The following PIR variants were observed in gnomAD, a reference collection of about 807,000 sequenced individuals.
PIR encodes pirin (iron-binding nuclear protein).
A neutral mutation model predicts 24.2 loss-of-function variants in PIR; 22 were observed. That is an observed-to-expected ratio of 0.91 (90% CI 0.65 to 1.30). PIR has a LOEUF of 1.30. Among genes scored for constraint, PIR ranks in the 50% most tolerant of loss-of-function variants. PIR has a pLI of 0.00. For missense variants in PIR, 220 were observed against 220.3 expected, an observed-to-expected ratio of 1.00 and a Z score of 0.01; for synonymous variants, 80 against 79.6, an observed-to-expected ratio of 1.00 and a Z score of -0.03.
At position 15,385,049 on chromosome X, in the gene PIR, A is replaced by AT. The variant is rs2146993872; in HGVS notation, c.827dup (p.Asn276LysfsTer4). 4.2e-6 allele frequency: 5 copies of AT among 1,198,344 alleles called. No individual in the cohort carries two copies. Among genetic ancestry groups the AT allele is most frequent in the African/African-American group, 3.5e-5 (2 of 57,273 alleles). ...TCCAGGTTTTGGCCCTTTCAAACCC[A>AT]TTTTTTGCGTTTCTGAAATCAAGAA... On this transcript the variant is annotated frameshift_variant, in exon 10 of 10. Coordinates refer to ENST00000380420, the MANE Select transcript of PIR (RefSeq NM_001018109.3). LOFTEE classifies it high-confidence loss of function.
chrX:15,471,671 G>C (rs1354768733), intron 3 of PIR, among the ~76,000 whole-genome samples: 2 of 111,602 alleles, frequency 1.8e-5, no homozygotes, highest in East Asian at 5.6e-4. Flanking sequence ...ATTGGTTAAG[G>C]CCTTACTAAA....
chrX:15,441,643 GCT>G (rs1925917886), intron 5 of PIR, among the ~76,000 whole-genome samples: 1 of 111,741 alleles, frequency 8.9e-6, no homozygotes, highest in Non-Finnish European at 1.9e-5. Flanking sequence ...ACTGCCAGCT[GCT>G]CTCTGCCTTT....
At chrX:15,409,065 T>C (rs1166742578) in intron 6 of PIR, among the ~76,000 whole-genome samples, 1 of 109,261 alleles carries the variant, frequency 9.2e-6, no homozygotes, top group Non-Finnish European at 1.9e-5. Context: ...AAAGTAATGT[T>C]ACTTATTCAT....
chrX:15,480,696 A>G (rs1345432294), intron 2 of PIR, among the ~76,000 whole-genome samples: 1 of 112,189 alleles, frequency 8.9e-6, no homozygotes, highest in Non-Finnish European at 1.9e-5. Flanking sequence ...AAGGAAAGAT[A>G]TTCCAGGTAG....
chrX:15,434,070 AAGGAGGAGGAAGGAGAAAGG>A (rs1412155593), intron 5 of PIR, among the ~76,000 whole-genome samples: 1 of 57,588 alleles, frequency 1.7e-5, no homozygotes, highest in African/African-American at 7.1e-5. Context: ...AAGGAGAAAG[AAGGAGGAGGAAGGAGAAAGG>A]AGGAGGAGGG....
chrX:15,397,524 A>G lies in PIR; in HGVS notation c.618T>C (p.Asp206=), dbSNP rs1243799197. The change falls in exon 8 of 10, where the codon GAT becomes GAC. Residue 206 remains aspartate (D), a synonymous_variant. Coordinates refer to ENST00000380420, the MANE Select transcript of PIR (RefSeq NM_001018109.3). ...TISGDVYIGP[D]DAQQKIEPHH... is the part of the protein sequence containing the mutation. Reference sequence around the variant, plus strand: ...GAGGTTCTATTTTTTGTTGTGCATCATCGGGCCCTACAAAACCAATGACAC... The same window carrying G: ...GAGGTTCTATTTTTTGTTGTGCATCGTCGGGCCCTACAAAACCAATGACAC... The G allele has an allele frequency of 8.4e-7, 1 of 1,195,511 alleles. No homozygotes were observed. Among genetic ancestry groups the G allele is most frequent in the African/African-American group, 1.8e-5 (1 of 57,028 alleles).
chrX:15,445,820 C>CTTT lies in PIR; in HGVS notation c.480+10025_480+10027dup, dbSNP rs1192838504. Among the ~76,000 whole-genome samples, 45 of 64,919 alleles carry CTTT rather than the reference C, an allele frequency of 6.9e-4. 4 individuals are homozygous for CTTT. Among genetic ancestry groups the CTTT allele is most frequent in the African/African-American group, 1.5e-3 (22 of 14,954 alleles). 56.4% of individuals were successfully genotyped at this position (64,919 alleles called of 115,157 possible). On this transcript the variant is annotated intron_variant, in intron 5 of 9. Coordinates refer to ENST00000380420, the MANE Select transcript of PIR (RefSeq NM_001018109.3). ...CGTCATCTGTATATTCAAGATATTT[C>CTTT]TTTTTTTTTTTTTTTTTTTTTTTTT...
rs1424225834 is a variant in PIR at position 15,433,556 on chromosome X, AAGAAAGAG to A, written c.481-7574_481-7567del. On this transcript the variant is annotated intron_variant, in intron 5 of 9. Coordinates refer to ENST00000380420, the MANE Select transcript of PIR (RefSeq NM_001018109.3). Reference sequence around the variant, plus strand: ...AGAAAGAAAGAAAGAGAGAGAAAGAAAGAAAGAGAGAGAAAGAAAGAAATGAGGAGGAG... The same window carrying A: ...AGAAAGAAAGAAAGAGAGAGAAAGAAAGAGAAAGAAAGAAATGAGGAGGAG... Among the ~76,000 whole-genome samples the A allele has an allele frequency of 2.7e-4, 27 of 99,683 alleles. 1 individual carries two copies. Among genetic ancestry groups the A allele is most frequent in the African/African-American group, 9.0e-4 (24 of 26,690 alleles). 86.6% of individuals were successfully genotyped at this position (99,683 alleles called of 115,157 possible). A position where few individuals can be genotyped will look rare whatever the true frequency, so the allele number is the denominator to read the frequency against.
chrX:15,487,438 T>C (rs73635094), intron 2 of PIR, among the ~76,000 whole-genome samples: 5,850 of 110,782 alleles, frequency 0.053, 384 homozygotes, highest in African/African-American at 0.18. Context: ...AGGGGAGAAA[T>C]GGATGATAAT....
intron 5 of PIR, among the ~76,000 whole-genome samples, chrX:15,439,163 G>T (rs1249444429): frequency 8.9e-6 from 1 of 111,909 alleles, no homozygotes; most frequent in Non-Finnish European, 1.9e-5. Flanking sequence ...AGAATTAAAA[G>T]AATTGACACA....
intron 3 of PIR, among the ~76,000 whole-genome samples, chrX:15,473,808 G>A (rs1462753241): frequency 8.9e-6 from 1 of 112,421 alleles, no homozygotes; most frequent in Non-Finnish European, 1.9e-5. Flanking sequence ...GCCCGCCTCG[G>A]CCTCCCAGAG....
chrX:15,468,429 T>C (rs1921714643), intron 3 of PIR, among the ~76,000 whole-genome samples: 1 of 112,721 alleles, frequency 8.9e-6, no homozygotes, highest in African/African-American at 3.2e-5. Context: ...ATGAAGTGCC[T>C]GAAAACACTT....
chrX:15,479,379 C>T (rs1319335515), intron 3 of PIR, among the ~76,000 whole-genome samples: 1 of 106,953 alleles, frequency 9.3e-6, no homozygotes, highest in African/African-American at 3.4e-5. Flanking sequence ...AGGTCTCACT[C>T]TGTTGCCCAG....
chrX:15,391,778 T>C (rs1404732936), intron 8 of PIR, among the ~76,000 whole-genome samples: 1 of 111,678 alleles, frequency 9.0e-6, no homozygotes, highest in African/African-American at 3.3e-5. Context: ...GCATGCCATG[T>C]CCAGCTCTTC....
At chrX:15,449,399 C>G (rs1369163022) in intron 5 of PIR, among the ~76,000 whole-genome samples, 1 of 111,775 alleles carries the variant, frequency 8.9e-6, no homozygotes, top group African/African-American at 3.3e-5. Flanking sequence ...GGGAATTTCA[C>G]CAGAATTCAT....
At chrX:15,431,173 T>C (rs1925492418) in intron 5 of PIR, among the ~76,000 whole-genome samples, 1 of 111,208 alleles carries the variant, frequency 9.0e-6, no homozygotes, top group South Asian at 3.8e-4. Flanking sequence ...CAATCCCCAA[T>C]ATCCTATAAG....
At chrX:15,391,257 T>C (rs1414949144) in intron 8 of PIR, among the ~76,000 whole-genome samples, 1 of 112,233 alleles carries the variant, frequency 8.9e-6, no homozygotes, top group African/African-American at 3.2e-5. Flanking sequence ...TACTAAAATA[T>C]TAGCATTTAT....
At position 15,384,872 on chromosome X, in the gene PIR, T is replaced by G; in HGVS notation, c.*132A>C. 2.7e-6 allele frequency: 1 copy of G among 366,113 alleles called. No individual in the cohort carries two copies. The highest frequency in any genetic ancestry group is 4.8e-6 in the Non-Finnish European group (1 of 207,538). 30.2% of individuals were successfully genotyped at this position (366,113 alleles called of 1,213,427 possible). On this transcript the variant is annotated 3_prime_UTR_variant, in exon 10 of 10. Coordinates refer to ENST00000380420, the MANE Select transcript of PIR (RefSeq NM_001018109.3). ...CCTACATTTATTGTTACAAAAACCA[T>G]GTTATCACGTTAGTGTGGAATTCTT...
chrX:15,465,493 A>C (rs190398088), intron 3 of PIR, among the ~76,000 whole-genome samples: 1 of 112,211 alleles, frequency 8.9e-6, no homozygotes, highest in African/African-American at 3.2e-5. Flanking sequence ...CACCTGGAGA[A>C]TTGCCGTGGG....
Sources: allele counts gnomAD v4.1 joint callset (sites outside exome capture counted in the v4.1 genomes callset), GRCh38; gene constraint gnomAD v4.1.1; transcripts MANE v1.5; gene names NCBI Gene and HGNC (gene_info 2026-07-23, HGNC 2026-07-21).